The following POGZ variants were observed in gnomAD, a reference collection of about 807,000 sequenced individuals.
POGZ encodes pogo transposable element with ZNF domain.
Under a neutral mutation model 134.6 loss-of-function variants are expected in POGZ, and 17 were observed. The observed-to-expected ratio is 0.13, with a 90% confidence interval of 0.09 to 0.19. POGZ has a LOEUF of 0.19. POGZ is among the 10% of genes least tolerant of loss of function. The pLI, the probability that POGZ is intolerant of heterozygous loss-of-function variation, is 1.00. For missense variants in POGZ, 1,306 were observed against 1,769.7 expected (o/e 0.74, Z 4.70); for synonymous variants, 693 against 657.1 (o/e 1.05, Z -0.84).
At chr1:151,417,687 G>GA (rs1557889548) in intron 10 of POGZ, among the ~76,000 whole-genome samples, 4 of 85,604 alleles carry the variant, frequency 4.7e-5, no homozygotes, top group Middle Eastern at 0.013. Flanking sequence ...AGGTACTGTG[G>GA]CCACACACAC....
intron 1 of POGZ, among the ~76,000 whole-genome samples, chr1:151,448,410 G>A (rs747635526): frequency 6.6e-6 from 1 of 151,970 alleles, no homozygotes; most frequent in Non-Finnish European, 1.5e-5. Flanking sequence ...TCAGGAGTTC[G>A]AGACCAGCTT....
At chr1:151,432,963 C>A (rs1658942910) in intron 3 of POGZ, among the ~76,000 whole-genome samples, 1 of 152,198 alleles carries the variant, frequency 6.6e-6, no homozygotes, top group Admixed American at 6.5e-5. Flanking sequence ...CCAACCATCT[C>A]TTTCTATCCT....
At chr1:151,418,171 G>A (rs1375825184) in intron 10 of POGZ, among the ~76,000 whole-genome samples, 1 of 151,552 alleles carries the variant, frequency 6.6e-6, no homozygotes, top group Middle Eastern at 3.2e-3. Context: ...AGCCAAGATT[G>A]CACTACCGCA....
chr1:151,410,473 A>T (rs1249704553), intron 12 of POGZ, among the ~76,000 whole-genome samples: 1 of 152,116 alleles, frequency 6.6e-6, no homozygotes, highest in East Asian at 1.9e-4. Context: ...TCTTTAAAAC[A>T]CTTTCTTCTC....
chr1:151,451,991 G>A lies in POGZ; in HGVS notation c.-2+7161C>T, dbSNP rs537013362. ...GGGCACCTGTAATCCCAGCTACTCAGGAGGCTGAGACAGGAGAATTGCTTG... is the reference window on the plus strand; with the variant it reads ...GGGCACCTGTAATCCCAGCTACTCAAGAGGCTGAGACAGGAGAATTGCTTG... On this transcript the variant is annotated intron_variant, in intron 1 of 18. Coordinates refer to ENST00000271715, the MANE Select transcript of POGZ (RefSeq NM_015100.4). Among the ~76,000 whole-genome samples, 6 of 151,188 alleles carry A rather than the reference G, an allele frequency of 4.0e-5. 1 individual carries two copies. Among genetic ancestry groups the A allele is most frequent in the Admixed American group, 2.7e-4 (4 of 14,866 alleles).
intron 1 of POGZ, among the ~76,000 whole-genome samples, chr1:151,451,321 T>A (rs946624177): frequency 4.0e-5 from 6 of 151,408 alleles, no homozygotes; most frequent in African/African-American, 9.7e-5. Context: ...TATTTATTTA[T>A]TTTATTTTTT....
At chr1:151,419,982 T>C (rs1030541853) in intron 10 of POGZ, among the ~76,000 whole-genome samples, 1 of 151,766 alleles carries the variant, frequency 6.6e-6, no homozygotes, top group African/African-American at 2.4e-5. Flanking sequence ...ATGAGTTAGG[T>C]GCCCAGACTG....
At chr1:151,451,361 T>C (rs1662052470) in intron 1 of POGZ, among the ~76,000 whole-genome samples, 1 of 151,890 alleles carries the variant, frequency 6.6e-6, no homozygotes, top group Non-Finnish European at 1.5e-5. Flanking sequence ...AGTTTCACTC[T>C]TGTTGCCCAG....
At position 151,405,509 on chromosome 1, in the gene POGZ, A is replaced by G. The variant is rs754224519; in HGVS notation, c.3526T>C (p.Tyr1176His). Residue 1176 changes from tyrosine to histidine, a missense_variant, in exon 19 of 19, where the codon TAC (tyrosine) becomes CAC (histidine). Tyr to His is a moderately conservative substitution (Grantham distance 83, BLOSUM62 2). This residue lies in a region of POGZ where 161 missense variants were observed against 185.4 expected (regional missense o/e 0.87). Transcript: ENST00000271715. This position sits in a 1 kb window ranked among gnomAD's most constrained non-coding sequence, Gnocchi z 4.9. ...DGTVLPTLVFYRGQMDQPANM... is the reference protein window; with the variant it reads ...DGTVLPTLVFHRGQMDQPANM... Reference sequence around the variant, plus strand: ...GCAGGCTGATCCATCTGCCCTCTGTAGAAAACCAGGGTGGGAAGGACAGTG... The same window carrying G: ...GCAGGCTGATCCATCTGCCCTCTGTGGAAAACCAGGGTGGGAAGGACAGTG... The G allele has an allele frequency of 6.2e-7, 1 of 1,614,246 alleles. No individual in the cohort carries two copies. The highest frequency in any genetic ancestry group is 1.1e-5 in the South Asian group (1 of 91,090).
rs934192477 is a variant in POGZ at position 151,405,920 on chromosome 1, G to C, written c.3115C>G (p.Arg1039Gly). The C allele has an allele frequency of 6.2e-7, 1 of 1,614,092 alleles. No individual in the cohort carries two copies. The highest frequency in any genetic ancestry group is 8.5e-7 in the Non-Finnish European group (1 of 1,179,976). ...EKLAEWVLTQ[R>G]EQQLPVNEET... ...TCATTTACAGGTAGCTGTTGTTCGC[G>C]CTGGGTTAGCACCCACTCAGCCAGT... Residue 1039 changes from arginine (R) to glycine (G), a missense_variant, in exon 19 of 19, where the codon CGC becomes GGC. Around this residue, in one of 10 missense-constraint regions of POGZ, gnomAD observed 24 missense variants for 69.6 expected, o/e 0.34. Transcript: ENST00000271715. This position sits in a 1 kb window ranked among gnomAD's most constrained non-coding sequence, Gnocchi z 4.9.
Position 151,404,399 on chromosome 1 carries a change from A to C in POGZ, c.*403T>G, listed in dbSNP as rs1653202655. On this transcript the variant is annotated 3_prime_UTR_variant, in exon 19 of 19. Transcript: ENST00000271715. ...AAAGACATTGGCCACACAATAAAACAAACAAAAAAACCCAGTACTATGATA... is the reference window on the plus strand; with the variant it reads ...AAAGACATTGGCCACACAATAAAACCAACAAAAAAACCCAGTACTATGATA... 2 of 992,288 alleles carry C rather than the reference A, an allele frequency of 2.0e-6. No individual in the cohort carries two copies. The highest frequency in any genetic ancestry group is 2.4e-6 in the Non-Finnish European group (2 of 833,556). 61.5% of individuals were successfully genotyped at this position (992,288 alleles called of 1,614,324 possible). A position where few individuals can be genotyped will look rare whatever the true frequency, so the allele number is the denominator to read the frequency against.
At chr1:151,407,553 C>G (rs1417865882) in intron 15 of POGZ, among the ~76,000 whole-genome samples, 1 of 152,178 alleles carries the variant, frequency 6.6e-6, no homozygotes, top group Non-Finnish European at 1.5e-5. Flanking sequence ...CCACCTAATA[C>G]TACTGGTACT....
intron 5 of POGZ, 194 bp downstream of exon 5, chr1:151,429,409 C>A: frequency 2.8e-6 from 1 of 362,776 alleles, no homozygotes. Context: ...AAAAGCTAAA[C>A]AGAAATAAAT....
intron 1 of POGZ, among the ~76,000 whole-genome samples, chr1:151,458,680 G>A (rs1255994276): frequency 2.6e-4 from 37 of 141,690 alleles, no homozygotes; most frequent in African/African-American, 9.1e-4. Context: ...TCTCGCCACC[G>A]CCCGCGCCCC....
intron 1 of POGZ, among the ~76,000 whole-genome samples, chr1:151,458,810 TGCGCGCGC>T (rs1045948430): frequency 7.0e-6 from 1 of 142,418 alleles, no homozygotes; most frequent in African/African-American, 2.5e-5. Flanking sequence ...GGGGCGCGAG[TGCGCGCGC>T]GCGCGCCGCG....
chr1:151,455,614 C>T (rs929148629), intron 1 of POGZ, among the ~76,000 whole-genome samples: 1 of 152,102 alleles, frequency 6.6e-6, no homozygotes, highest in African/African-American at 2.4e-5. Flanking sequence ...TAAGACAAGC[C>T]CATTATAAGT....
chr1:151,447,240 G>A (rs1163212434), intron 1 of POGZ, among the ~76,000 whole-genome samples: 1 of 151,842 alleles, frequency 6.6e-6, no homozygotes, highest in East Asian at 1.9e-4. Context: ...ACAAAAATTA[G>A]CCAGGTGTGT....
intron 15 of POGZ, among the ~76,000 whole-genome samples, 165 bp from the exon 16 acceptor site, chr1:151,407,456 A>G (rs1486269608): frequency 6.6e-6 from 1 of 152,220 alleles, no homozygotes; most frequent in African/African-American, 2.4e-5. Flanking sequence ...TTTAATATGC[A>G]TACAAGTCAC....
In POGZ at chr1:151,403,183, T is replaced by G; in HGVS notation, c.*1619A>C. The G allele has an allele frequency of 2.0e-6, 2 of 978,142 alleles. No individual in the cohort carries two copies. Among genetic ancestry groups the G allele is most frequent in the Non-Finnish European group, 2.4e-6 (2 of 822,960 alleles). 60.6% of individuals were successfully genotyped at this position (978,142 alleles called of 1,614,324 possible). ...GAAGGGACTTTTCCAGTTCACTATATTATAGTGTGCTGGGGGATGAAAAAA... is the reference window on the plus strand; with the variant it reads ...GAAGGGACTTTTCCAGTTCACTATAGTATAGTGTGCTGGGGGATGAAAAAA... On this transcript the variant is annotated 3_prime_UTR_variant, in exon 19 of 19. Transcript: ENST00000271715.
Sources: allele counts gnomAD v4.1 joint callset (sites outside exome capture counted in the v4.1 genomes callset), GRCh38; gene constraint gnomAD v4.1.1; regional missense constraint gnomAD v4.1.1; non-coding constraint Gnocchi (gnomAD v3.1); transcripts MANE v1.5; gene names NCBI Gene and HGNC (gene_info 2026-07-23, HGNC 2026-07-21).